The following ESPL1 variants were observed in gnomAD, a reference collection of about 807,000 sequenced individuals.
ESPL1 encodes extra spindle pole bodies like 1, separase.
A neutral mutation model predicts 217.2 loss-of-function variants in ESPL1; 50 were observed. That is an observed-to-expected ratio of 0.23 (90% confidence interval 0.18 to 0.29). The LOEUF (loss-of-function observed/expected upper bound fraction) is 0.29, where lower values mean the gene tolerates loss of function less well. ESPL1 is among the 10% of genes least tolerant of loss of function. ESPL1 has a pLI of 1.00. For synonymous variants in ESPL1, 994 were observed against 1,081.3 expected (o/e 0.92, Z 1.58); for missense variants, 1,834 against 2,603.0 (o/e 0.70, Z 6.43).
In ESPL1 at chr12:53,286,241, G is replaced by C. The variant is rs1207643242; in HGVS notation, c.3505G>C (p.Gly1169Arg). Residue 1169 changes from glycine to arginine, a missense_variant, in exon 18 of 31, where the codon GGG becomes CGG. Gly to Arg is a moderately radical substitution (Grantham distance 125). This residue lies in a region of ESPL1 where 681 missense variants were observed against 808.0 expected (regional missense o/e 0.84). Transcript: ENST00000257934. This position sits in a 1 kb window ranked among gnomAD's most constrained non-coding sequence, Gnocchi z 5.3. Reference sequence around the variant, plus strand: ...TCTGCGCTGGGTATTGGTCACGGCAGGGGTGAGGCTGGCCATGGGCCACCA... The same window carrying C: ...TCTGCGCTGGGTATTGGTCACGGCACGGGTGAGGCTGGCCATGGGCCACCA... Reference protein sequence around the residue: ...VCLRWVLVTAGVRLAMGHQAQ... With the variant: ...VCLRWVLVTARVRLAMGHQAQ... 11 of 1,614,136 alleles carry C rather than the reference G, an allele frequency of 6.8e-6. No homozygotes were observed. Among genetic ancestry groups the C allele is most frequent in the Non-Finnish European group, 8.5e-6 (10 of 1,180,058 alleles).
intron 12 of ESPL1, among the ~76,000 whole-genome samples, chr12:53,281,063 A>T (rs1160854916): frequency 6.6e-6 from 1 of 151,560 alleles, no homozygotes; most frequent in Non-Finnish European, 1.5e-5. Flanking sequence ...TCCTATGCAG[A>T]TTATAATATC....
At position 53,277,933 on chromosome 12, in the gene ESPL1, A is replaced by G; in HGVS notation, c.2337A>G (p.Leu779=). The G allele has an allele frequency of 6.2e-7, 1 of 1,613,942 alleles. No individual in the cohort carries two copies. Among genetic ancestry groups the G allele is most frequent in the Non-Finnish European group, 8.5e-7 (1 of 1,179,986 alleles). The stretch of plus-strand genomic sequence containing the variant: ...AGACAGCAGCCTCACTGCAGATCCT[A>G]GCAGCCCTCTACCAGCTGGTGGCAA... ...LQQTAASLQI[L]AALYQLVAKP... The change falls in exon 11 of 31, where the codon CTA becomes CTG. Residue 779 remains leucine (L), a synonymous_variant. Coordinates refer to ENST00000257934, the MANE Select transcript of ESPL1 (RefSeq NM_012291.5).
Position 53,285,026 on chromosome 12 carries a change from A to AAAAGAAGAAAGAAAG in ESPL1, c.3187+860_3187+861insAAGAAGAAAGAAAGA, listed in dbSNP as rs1555187243. Among the ~76,000 whole-genome samples, 210 of 95,596 alleles carry AAAAGAAGAAAGAAAG rather than the reference A, an allele frequency of 2.2e-3. 5 individuals carry two copies. The South Asian group carries it at 0.055, about 25-fold the overall frequency. The allele number at this position is 95,596 out of a possible 152,430, so 62.7% of individuals were successfully genotyped here. A position where few individuals can be genotyped will look rare whatever the true frequency, so the allele number is the denominator to read the frequency against. ...ACTCTGACTCAAAAAAAAAAAAAAA[A>AAAAGAAGAAAGAAAG]AGAAGAAAGAAAGAAAGAAAGATAA... On this transcript the variant is annotated intron_variant, in intron 17 of 30. Coordinates refer to ENST00000257934, the MANE Select transcript of ESPL1 (RefSeq NM_012291.5).
Position 53,286,450 on chromosome 12 carries a change from A to C in ESPL1, c.3714A>C (p.Pro1238=). The change falls in exon 18 of 31, where the codon CCA becomes CCC. Residue 1238 remains proline, a synonymous_variant. Coordinates refer to ENST00000257934, the MANE Select transcript of ESPL1 (RefSeq NM_012291.5). This position sits in a 1 kb window ranked among gnomAD's most constrained non-coding sequence, Gnocchi z 5.3. ...TGGCACTGGAGGGCCTGAACCAGCC[A>C]TCAAACGAGAGCCTGCAGAAGGTTC... ...TLLALEGLNQ[P]SNESLQKVLQ... is the part of the protein sequence containing the mutation. The C allele has an allele frequency of 2.0e-5, 33 of 1,614,188 alleles. No homozygotes were observed. Among genetic ancestry groups the C allele is most frequent in the Non-Finnish European group, 2.6e-5 (31 of 1,180,028 alleles).
chr12:53,285,905 TG>T lies in ESPL1; in HGVS notation c.3188-18del. ...CCATTTCTCCCCGTTTTGTAATTCT[TG>T]TTCTGCCTTCTCCCCAGAGTTTGGT... is the stretch of plus-strand genomic sequence containing the variant. On this transcript the variant is annotated intron_variant, in intron 17 of 30. Coordinates refer to ENST00000257934, the MANE Select transcript of ESPL1 (RefSeq NM_012291.5). 1 of 1,507,972 alleles carries T rather than the reference TG, an allele frequency of 6.6e-7. No individual in the cohort carries two copies. The highest frequency in any genetic ancestry group is 8.9e-7 in the Non-Finnish European group (1 of 1,126,938). 93.4% of individuals were successfully genotyped at this position (1,507,972 alleles called of 1,614,324 possible).
intron 11 of ESPL1, among the ~76,000 whole-genome samples, chr12:53,278,898 C>G (rs1047040147): frequency 8.6e-5 from 13 of 150,532 alleles, no homozygotes; most frequent in African/African-American, 3.2e-4. Flanking sequence ...CCGCCCCGCC[C>G]CCCCGCCGAG....
At chr12:53,291,956 C>T (rs1420042376) in intron 26 of ESPL1, 28 bp from the exon 27 acceptor site, 1 of 1,609,882 alleles carries the variant, frequency 6.2e-7, no homozygotes, top group Non-Finnish European at 8.5e-7. Context: ...TGGCTGGGGA[C>T]AGTAACCTCT....
intron 13 of ESPL1, 62 bp downstream of exon 13, chr12:53,281,688 T>G: frequency 6.6e-7 from 1 of 1,519,110 alleles, no homozygotes; most frequent in East Asian, 2.3e-5. Context: ...AGGATTTTCT[T>G]GATATTTGCC....
chr12:53,282,977 A>T lies in ESPL1; in HGVS notation c.2792-152A>T. 1.0e-6 allele frequency: 1 copy of T among 986,708 alleles called. No homozygotes were observed. The highest frequency in any genetic ancestry group is 1.5e-6 in the Non-Finnish European group (1 of 667,764). The allele number at this position is 986,708 out of a possible 1,614,324, so 61.1% of individuals were successfully genotyped here. A position where few individuals can be genotyped will look rare whatever the true frequency, so the allele number is the denominator to read the frequency against. ...CCAGCTGAAAGGATTCTGAGACCCC[A>T]GGGGATCTCAGAGGGAAGGAGTTAT... On this transcript the variant is annotated intron_variant, in intron 14 of 30. Transcript: ENST00000257934. This position sits in a 1 kb window ranked among gnomAD's most constrained non-coding sequence, Gnocchi z 4.0.
At chr12:53,268,951 C>T (rs4758965) in intron 2 of ESPL1, 73 bp from the exon 3 acceptor site, 997,176 of 1,476,844 alleles carry the variant, frequency 0.68, 342,080 homozygotes, top group East Asian at 0.97. Context: ...CTCTGAGTAA[C>T]CCTATTTCTA....
chr12:53,289,690 A>G (rs1447875142), intron 22 of ESPL1, 96 bp downstream of exon 22: 6 of 1,032,380 alleles, frequency 5.8e-6, no homozygotes, highest in Admixed American at 2.4e-5. Flanking sequence ...GTTAGTTTAC[A>G]TAGATTTATG....
intron 12 of ESPL1, 100 bp from the exon 13 acceptor site, chr12:53,281,407 G>A: frequency 8.0e-7 from 1 of 1,246,528 alleles, no homozygotes. Flanking sequence ...CCAAAGTGCT[G>A]GGATTACAGG....
At chr12:53,281,889 G>A (rs1438891192) in intron 13 of ESPL1, among the ~76,000 whole-genome samples, 2 of 152,168 alleles carry the variant, frequency 1.3e-5, no homozygotes, top group Non-Finnish European at 2.9e-5. Context: ...TGGTGATCCT[G>A]GGAAGGCATG....
chr12:53,276,177 C>T (rs922235144), intron 7 of ESPL1, among the ~76,000 whole-genome samples: 1 of 151,984 alleles, frequency 6.6e-6, no homozygotes, highest in Non-Finnish European at 1.5e-5. Flanking sequence ...TATTGCACTC[C>T]AGCCTGGGCA....
Position 53,279,723 on chromosome 12 carries a change from G to T in ESPL1, c.2365-9G>T. On this transcript the variant is annotated splice_polypyrimidine_tract_variant and intron_variant, in intron 11 of 30. Transcript: ENST00000257934. ...GGGTGGAGTAAACTTGGCTGCTTCTGCTGACCAGCCCATGCAGGCTCTGGA... is the reference window on the plus strand; with the variant it reads ...GGGTGGAGTAAACTTGGCTGCTTCTTCTGACCAGCCCATGCAGGCTCTGGA... 1 of 1,614,000 alleles carries T rather than the reference G, an allele frequency of 6.2e-7. No homozygotes were observed. The highest frequency in any genetic ancestry group is 1.1e-5 in the South Asian group (1 of 91,082).
intron 16 of ESPL1, 52 bp from the exon 17 acceptor site, chr12:53,284,006 C>G: frequency 4.5e-6 from 6 of 1,338,874 alleles, no homozygotes; most frequent in Non-Finnish European, 6.4e-6. Context: ...GAAAGACTCT[C>G]CAGGAAAACA....
chr12:53,277,103 G>A lies in ESPL1; in HGVS notation c.1961G>A (p.Arg654Gln), dbSNP rs529153854. ...TGCAGCTCTGCTCTGGATGCTATCC[G>A]GGAAGCCCTGCAGCTTCTGGACTCT... is the stretch of plus-strand genomic sequence containing the variant. The part of the protein sequence containing the change: ...QTNCSALDAI[R>Q]EALQLLDSVR... The change falls in exon 9 of 31, where the codon CGG (arginine) becomes CAG (glutamine). Residue 654 changes from arginine to glutamine, a missense_variant. By Grantham distance (43) the Arg-to-Gln change is conservative. This residue lies in a region of ESPL1 where 746 missense variants were observed against 1,077.0 expected (regional missense o/e 0.69). Coordinates refer to ENST00000257934, the MANE Select transcript of ESPL1 (RefSeq NM_012291.5). 3.5e-5 allele frequency: 57 copies of A among 1,613,960 alleles called. No homozygotes were observed. The East Asian group carries it at 1.1e-3, about 31-fold the overall frequency.
intron 25 of ESPL1, 104 bp downstream of exon 25, chr12:53,291,100 C>T (rs189371691): frequency 1.2e-4 from 114 of 970,226 alleles, no homozygotes; most frequent in African/African-American, 1.1e-3. Flanking sequence ...CTCAGGAGCT[C>T]GAGACCAGCC....
intron 7 of ESPL1, among the ~76,000 whole-genome samples, chr12:53,275,551 A>T (rs1943752279): frequency 6.6e-6 from 1 of 152,064 alleles, no homozygotes; most frequent in African/African-American, 2.4e-5. Context: ...TTTCATCTTT[A>T]TGTCTGAAAA....
Sources: allele counts gnomAD v4.1 joint callset (sites outside exome capture counted in the v4.1 genomes callset), GRCh38; gene constraint gnomAD v4.1.1; regional missense constraint gnomAD v4.1.1; non-coding constraint Gnocchi (gnomAD v3.1); transcripts MANE v1.5; gene names NCBI Gene and HGNC (gene_info 2026-07-23, HGNC 2026-07-21).